CSF1R: variants seen among roughly 807,000 people sequenced by gnomAD.
CSF1R encodes colony stimulating factor 1 receptor, also known as macrophage colony-stimulating factor 1 receptor.
CSF1R carries 40 observed loss-of-function variants against 110.0 expected under a neutral mutation model. The observed-to-expected ratio is 0.36, with a 90% CI of 0.28 to 0.47. The LOEUF is 0.47. Among genes scored for constraint, CSF1R ranks in the 20% least tolerant of loss-of-function variants. CSF1R has a pLI of 0.99. For missense variants in CSF1R, 1,052 were observed against 1,253.0 expected, an observed-to-expected ratio of 0.84 and a Z score of 2.42; for synonymous variants, 523 against 503.4, an observed-to-expected ratio of 1.04 and a Z score of -0.52.
At chr5:150,101,758 C>A (rs1338762615) in intron 1 of CSF1R, among the ~76,000 whole-genome samples, 2 of 151,216 alleles carry the variant, frequency 1.3e-5, no homozygotes, top group Non-Finnish European at 2.9e-5. Flanking sequence ...AACCCTTATT[C>A]ACCTAATCAC....
Position 150,069,938 on chromosome 5 carries a change from G to A in CSF1R, c.1445C>T (p.Thr482Ile). 1 of 1,614,142 alleles carries A rather than the reference G, an allele frequency of 6.2e-7. No individual in the cohort carries two copies. Among genetic ancestry groups the A allele is most frequent in the Non-Finnish European group, 8.5e-7 (1 of 1,180,002 alleles). The change falls in exon 9 of 21, where the codon ACC (threonine) becomes ATC (isoleucine). Residue 482 changes from threonine (T) to isoleucine (I), a missense_variant. Physicochemically the swap from Thr to Ile is moderately conservative, Grantham distance 89 (BLOSUM62 -1). Around this residue, in one of 5 missense-constraint regions of CSF1R, gnomAD observed 693 missense variants for 735.4 expected, o/e 0.94. Transcript: ENST00000675795. ...GCTGTTGTGGGCCCTGCACTCGTAG[G>A]TTTGGTTGTGCTCTAAGGTCTCAAC... ...LTVETLEHNQ[T>I]YECRAHNSVG... is the part of the protein sequence containing the mutation.
chr5:150,073,568 C>A, intron 5 of CSF1R, 75 bp from the exon 6 acceptor site: 1 of 1,480,806 alleles, frequency 6.8e-7, no homozygotes. Flanking sequence ...TTGTCATCCA[C>A]CCATTGATCC....
At chr5:150,102,683 T>C (rs897717112) in intron 1 of CSF1R, among the ~76,000 whole-genome samples, 4 of 152,214 alleles carry the variant, frequency 2.6e-5, no homozygotes, top group Admixed American at 2.6e-4. Context: ...TTTCACCATG[T>C]TGACCAGGCT....
intron 1 of CSF1R, chr5:150,095,174 C>T (rs974218732): frequency 5.7e-5 from 36 of 632,804 alleles, no homozygotes; most frequent in Non-Finnish European, 7.8e-5. Context: ...CTGATAGACC[C>T]GAAAGGAGAG....
At chr5:150,112,387 T>C (rs1252991456) in intron 1 of CSF1R, among the ~76,000 whole-genome samples, 1 of 152,162 alleles carries the variant, frequency 6.6e-6, no homozygotes, top group Admixed American at 6.5e-5. Context: ...AACTGTTGGA[T>C]AGTGGTAGTC....
In CSF1R at chr5:150,080,826, C is replaced by T. The variant is rs761230419; in HGVS notation, c.248G>A (p.Arg83His). The change falls in exon 2 of 21, where the codon CGC becomes CAC. Residue 83 changes from arginine to histidine, a missense_variant. Arg to His is a conservative substitution (Grantham distance 29, BLOSUM62 0). Coordinates refer to ENST00000675795, the MANE Select transcript of CSF1R (RefSeq NM_001288705.3). ...CAGGGGGTCTCCAGGCTCAGTGCAG[C>T]GATAGGTCCCCGTGTTTTGGAAGGT... ...NATFQNTGTY[R>H]CTEPGDPLGG... The T allele has an allele frequency of 3.3e-5, 53 of 1,614,004 alleles. No homozygotes were observed. In the Middle Eastern group the frequency reaches 6.6e-4, roughly 20 times the overall value.
intron 2 of CSF1R, 128 bp from the exon 3 acceptor site, chr5:150,080,464 G>A: frequency 7.9e-7 from 1 of 1,267,714 alleles, no homozygotes; most frequent in Admixed American, 2.5e-5. Flanking sequence ...CGCCAGGACA[G>A]TTCAGCGGAT....
chr5:150,063,365 T>C (rs904053035), intron 10 of CSF1R, among the ~76,000 whole-genome samples: 2 of 151,942 alleles, frequency 1.3e-5, no homozygotes, highest in Non-Finnish European at 2.9e-5. Flanking sequence ...CTTTTTTTTT[T>C]TGAGACAGAG....
At chr5:150,110,894 A>G (rs1475931288) in intron 1 of CSF1R, among the ~76,000 whole-genome samples, 2 of 151,744 alleles carry the variant, frequency 1.3e-5, no homozygotes, top group Non-Finnish European at 2.9e-5. Context: ...TATATGACAT[A>G]AATACTTGTA....
intron 1 of CSF1R, among the ~76,000 whole-genome samples, chr5:150,085,538 G>A (rs1405549787): frequency 2.0e-5 from 3 of 152,086 alleles, no homozygotes; most frequent in Admixed American, 2.0e-4. Flanking sequence ...CTCTAGTCAT[G>A]TTCCCTCCCA....
At chr5:150,084,116 C>T (rs1251964160) in intron 1 of CSF1R, among the ~76,000 whole-genome samples, 4 of 151,944 alleles carry the variant, frequency 2.6e-5, no homozygotes, top group South Asian at 2.1e-4. Context: ...GCAGGGGGAT[C>T]GCTTGAGTTC....
chr5:150,063,850 A>T (rs1757640454), intron 10 of CSF1R, among the ~76,000 whole-genome samples: 1 of 152,126 alleles, frequency 6.6e-6, no homozygotes, highest in African/African-American at 2.4e-5. Context: ...GGCCTTGGGG[A>T]TGGGACAAGC....
At chr5:150,060,640 G>C (rs972327871) in intron 13 of CSF1R, among the ~76,000 whole-genome samples, 1 of 152,186 alleles carries the variant, frequency 6.6e-6, no homozygotes, top group Non-Finnish European at 1.5e-5. Flanking sequence ...CAAGGGCTCC[G>C]ATGCTCCCTA....
chr5:150,084,188 T>A (rs1265052844), intron 1 of CSF1R, among the ~76,000 whole-genome samples: 2 of 151,422 alleles, frequency 1.3e-5, no homozygotes, highest in Non-Finnish European at 2.9e-5. Flanking sequence ...AATAAAAAAA[T>A]TAGCTGGGTG....
intron 1 of CSF1R, among the ~76,000 whole-genome samples, chr5:150,083,280 C>A (rs570360969): frequency 6.0e-5 from 9 of 151,068 alleles, no homozygotes; most frequent in African/African-American, 2.2e-4. Flanking sequence ...TCTCCACTAG[C>A]TCCCACTTGC....
intron 1 of CSF1R, among the ~76,000 whole-genome samples, chr5:150,107,326 G>A (rs569116965): frequency 6.6e-6 from 1 of 152,214 alleles, no homozygotes; most frequent in Non-Finnish European, 1.5e-5. Context: ...ACATTAACAT[G>A]ATTTGTCATC....
intron 3 of CSF1R, among the ~76,000 whole-genome samples, chr5:150,078,476 C>T (rs910327856): frequency 6.6e-6 from 1 of 152,050 alleles, no homozygotes; most frequent in African/African-American, 2.4e-5. Context: ...TCCCCAGTCC[C>T]GTCACCATTC....
chr5:150,109,415 T>A (rs1759653549), intron 1 of CSF1R, among the ~76,000 whole-genome samples: 1 of 152,020 alleles, frequency 6.6e-6, no homozygotes, highest in South Asian at 2.1e-4. Flanking sequence ...TGTCTAGATG[T>A]GGGATGATGG....
upstream of CSF1R, among the ~76,000 whole-genome samples, chr5:150,090,515 A>T (rs1341372432): frequency 6.6e-6 from 1 of 152,134 alleles, no homozygotes; most frequent in Non-Finnish European, 1.5e-5. Flanking sequence ...CTTTTCCACA[A>T]TGTCTTTGTG....
Sources: allele counts gnomAD v4.1 joint callset (sites outside exome capture counted in the v4.1 genomes callset), GRCh38; gene constraint gnomAD v4.1.1; regional missense constraint gnomAD v4.1.1; transcripts MANE v1.5; gene names NCBI Gene and HGNC (gene_info 2026-07-23, HGNC 2026-07-21).